Variants in PHGDH observed in about 807,000 individuals in gnomAD.
PHGDH encodes the protein phosphoglycerate dehydrogenase.
Under a neutral mutation model 52.6 loss-of-function variants are expected in PHGDH, and 50 were observed. The observed-to-expected ratio is 0.95, with a 90% CI of 0.76 to 1.20. PHGDH has a LOEUF of 1.20. PHGDH is among the 50% of genes most tolerant of loss of function. PHGDH has a pLI of 0.00. For missense variants in PHGDH, 630 were observed against 684.6 expected (o/e 0.92, Z 0.89); for synonymous variants, 271 against 280.5 (o/e 0.97, Z 0.34).
intron 1 of PHGDH, 38 bp downstream of exon 1, chr1:119,712,198 A>G (rs1189252541): frequency 1.3e-6 from 2 of 1,598,318 alleles, no homozygotes; most frequent in East Asian, 2.2e-5. Flanking sequence ...CTCTAGGGCA[A>G]CCTCCATGGA....
At chr1:119,722,208 G>A (rs147693778) in intron 2 of PHGDH, among the ~76,000 whole-genome samples, 4 of 152,220 alleles carry the variant, frequency 2.6e-5, no homozygotes, top group African/African-American at 4.8e-5. Context: ...CTCTACTTGC[G>A]CCCCCATACA....
intron 3 of PHGDH, chr1:119,724,461 T>C (rs1651308770): frequency 3.0e-6 from 1 of 328,586 alleles, no homozygotes; most frequent in South Asian, 2.6e-5. Context: ...TATTCACTGA[T>C]ATTCACTGGT....
At chr1:119,741,336 G>T (rs1652198939) in intron 9 of PHGDH, among the ~76,000 whole-genome samples, 1 of 152,226 alleles carries the variant, frequency 6.6e-6, no homozygotes, top group Non-Finnish European at 1.5e-5. Flanking sequence ...AGCGCCGAAG[G>T]AAACAAGGCA....
chr1:119,736,921 G>A (rs1038961768), intron 7 of PHGDH, among the ~76,000 whole-genome samples, 193 bp from the exon 8 acceptor site: 7 of 152,256 alleles, frequency 4.6e-5, no homozygotes, highest in African/African-American at 1.7e-4. Flanking sequence ...ACTTTGTGCT[G>A]TGTCCACTCT....
At chr1:119,712,200 C>T (rs763573122) in intron 1 of PHGDH, 40 bp downstream of exon 1, 6 of 1,598,936 alleles carry the variant, frequency 3.8e-6, no homozygotes, top group Admixed American at 1.7e-5. Context: ...CTAGGGCAAC[C>T]TCCATGGAAA....
At chr1:119,730,841 A>G (rs1043549398) in intron 5 of PHGDH, among the ~76,000 whole-genome samples, 1 of 152,140 alleles carries the variant, frequency 6.6e-6, no homozygotes, top group Non-Finnish European at 1.5e-5. Context: ...ATAGTATGCA[A>G]TAGTGCTCCA....
At chr1:119,712,210 A>C (rs587709994) in intron 1 of PHGDH, 50 bp downstream of exon 1, 1 of 1,573,838 alleles carries the variant, frequency 6.4e-7, no homozygotes, top group South Asian at 1.1e-5. Flanking sequence ...CTCCATGGAA[A>C]AAGGCTGGCT....
intron 5 of PHGDH, among the ~76,000 whole-genome samples, chr1:119,732,793 G>T (rs917169437): frequency 1.3e-5 from 2 of 152,218 alleles, no homozygotes; most frequent in African/African-American, 4.8e-5. Flanking sequence ...TGTGGAGGGG[G>T]CCAGGTTCAG....
chr1:119,741,406 A>C (rs587636270), intron 9 of PHGDH, among the ~76,000 whole-genome samples: 2 of 152,298 alleles, frequency 1.3e-5, no homozygotes, highest in African/African-American at 4.8e-5. Flanking sequence ...TGAGGCTGGC[A>C]AGGCTCTGAG....
chr1:119,721,258 C>T lies in PHGDH; in HGVS notation c.227C>T (p.Ala76Val), dbSNP rs775960159. 2.5e-6 allele frequency: 4 copies of T among 1,614,170 alleles called. No individual in the cohort carries two copies. Among genetic ancestry groups the T allele is most frequent in the South Asian group, 1.1e-5 (1 of 91,078 alleles). The change falls in exon 2 of 12, where the codon GCT (alanine) becomes GTT (valine). Residue 76 changes from alanine (A) to valine (V), a missense_variant. Coordinates refer to ENST00000641023, the MANE Select transcript of PHGDH (RefSeq NM_006623.4). Reference sequence around the variant, plus strand: ...GAGAAACTCCAGGTGGTGGGCAGGGCTGGCACAGGTGTGGACAATGTGGAT... The same window carrying T: ...GAGAAACTCCAGGTGGTGGGCAGGGTTGGCACAGGTGTGGACAATGTGGAT... ...AAEKLQVVGR[A>V]GTGVDNVDLE...
At chr1:119,742,702 C>G in intron 10 of PHGDH, 105 bp from the exon 11 acceptor site, 1 of 762,254 alleles carries the variant, frequency 1.3e-6, no homozygotes, top group East Asian at 2.7e-5. Flanking sequence ...AGCACATTAT[C>G]CAGGCTGGAG....
intron 11 of PHGDH, among the ~76,000 whole-genome samples, chr1:119,743,319 C>T (rs1446745011): frequency 6.6e-6 from 1 of 152,306 alleles, no homozygotes; most frequent in East Asian, 1.9e-4. Context: ...CCTCAGCTTG[C>T]CATGTTAGGT....
chr1:119,715,340 G>A (rs1244198562), intron 1 of PHGDH, among the ~76,000 whole-genome samples: 2 of 152,188 alleles, frequency 1.3e-5, no homozygotes, highest in Admixed American at 6.5e-5. Context: ...AGATTAAGAA[G>A]GGAATAAATC....
chr1:119,723,796 TA>T (rs1289299793), intron 3 of PHGDH, among the ~76,000 whole-genome samples: 1 of 151,806 alleles, frequency 6.6e-6, no homozygotes, highest in African/African-American at 2.4e-5. Context: ...GGACAGTGTC[TA>T]GGTACCCTCT....
At chr1:119,728,201 G>A (rs180766872) in intron 5 of PHGDH, among the ~76,000 whole-genome samples, 79 of 152,258 alleles carry the variant, frequency 5.2e-4, no homozygotes, top group South Asian at 1.0e-3. Flanking sequence ...GGCTTATTGT[G>A]TTGACTATAG....
chr1:119,743,157 C>A (rs1188022836), intron 11 of PHGDH, 113 bp downstream of exon 11: 17 of 796,428 alleles, frequency 2.1e-5, no homozygotes, highest in Non-Finnish European at 3.7e-5. Flanking sequence ...CAGGGTGTCT[C>A]TGGATCTGCA....
intron 1 of PHGDH, 22 bp downstream of exon 1, chr1:119,712,182 T>C: frequency 6.2e-7 from 1 of 1,611,586 alleles, no homozygotes; most frequent in Non-Finnish European, 8.5e-7. Flanking sequence ...GAGAGAAAAT[T>C]GAGGTCTCTA....
chr1:119,723,809 C>T lies in PHGDH; in HGVS notation c.356+368C>T, dbSNP rs191536371. On this transcript the variant is annotated intron_variant, in intron 3 of 11. Transcript: ENST00000641023. ...ATGGACAGTGTCTAGGTACCCTCTGCTTACTTTTCAAGATTAAGCTTCAGT... is the reference window on the plus strand; with the variant it reads ...ATGGACAGTGTCTAGGTACCCTCTGTTTACTTTTCAAGATTAAGCTTCAGT... Among the ~76,000 whole-genome samples the T allele has an allele frequency of 1.1e-3, 164 of 151,914 alleles. 1 individual carries two copies. Among genetic ancestry groups the T allele is most frequent in the African/African-American group, 3.7e-3 (155 of 41,536 alleles).
intron 3 of PHGDH, chr1:119,724,972 GTGCCTATA>G (rs1201276302): frequency 2.4e-6 from 1 of 418,974 alleles, no homozygotes; most frequent in Non-Finnish European, 4.6e-6. Context: ...GAGAGTGTGG[GTGCCTATA>G]TGTAGACTCT....
Sources: gnomAD v4.1 joint callset for allele counts (sites outside exome capture counted in the v4.1 genomes callset) on GRCh38, gnomAD v4.1.1 for gene constraint, MANE v1.5 for transcripts, NCBI Gene and HGNC (gene_info 2026-07-23, HGNC 2026-07-21) for gene names.